PRDM5: variants seen among roughly 807,000 people sequenced by gnomAD.
PRDM5 encodes the protein PR domain zinc finger protein 5.
In PRDM5, 56 loss-of-function variants were observed where a neutral mutation model predicts 81.2. The ratio of observed to expected loss-of-function variants is 0.69; its 90% CI spans 0.56 to 0.86. The LOEUF is 0.86. Among genes scored for constraint, PRDM5 ranks in the 40% least tolerant of loss-of-function variants. The probability of loss-of-function intolerance (pLI) is 0.00; values close to 1 mark genes in which losing one functional copy is unlikely to be tolerated. For synonymous variants in PRDM5, 267 were observed against 256.4 expected (o/e 1.04, Z -0.39); for missense variants, 697 against 770.1 (o/e 0.91, Z 1.12).
chr4:120,843,997 C>T (rs1758351918), intron 3 of PRDM5, among the ~76,000 whole-genome samples: 1 of 152,094 alleles, frequency 6.6e-6, no homozygotes, highest in Non-Finnish European at 1.5e-5. Flanking sequence ...TAAGAGGATG[C>T]TTCGTGCACC....
At chr4:120,719,031 C>T (rs1461338751) in intron 14 of PRDM5, among the ~76,000 whole-genome samples, 1 of 152,180 alleles carries the variant, frequency 6.6e-6, no homozygotes, top group Non-Finnish European at 1.5e-5. Context: ...AACTATTTGC[C>T]AAACTTTCCT....
At chr4:120,922,115 G>A (rs556113635) in intron 1 of PRDM5, among the ~76,000 whole-genome samples, 2 of 152,342 alleles carry the variant, frequency 1.3e-5, no homozygotes, top group African/African-American at 2.4e-5. Context: ...CGTGCGCGCG[G>A]GGGAAAACAC....
At chr4:120,741,654 G>C (rs1299410574) in intron 14 of PRDM5, among the ~76,000 whole-genome samples, 1 of 152,082 alleles carries the variant, frequency 6.6e-6, no homozygotes, top group Non-Finnish European at 1.5e-5. Flanking sequence ...CCTAATCAAA[G>C]AAAGGGGTGA....
At chr4:120,893,948 AGCTTTGCTTTGT>A (rs1210828250) in intron 2 of PRDM5, among the ~76,000 whole-genome samples, 1 of 152,172 alleles carries the variant, frequency 6.6e-6, no homozygotes, top group Non-Finnish European at 1.5e-5. Flanking sequence ...AAGAGGCATC[AGCTTTGCTTTGT>A]TCTTTGGTCC....
chr4:120,783,202 T>C (rs1336133506), intron 11 of PRDM5, among the ~76,000 whole-genome samples: 1 of 152,152 alleles, frequency 6.6e-6, no homozygotes, highest in Non-Finnish European at 1.5e-5. Context: ...TTGTCCTCCC[T>C]ATTTTAGCCA....
At chr4:120,894,195 T>G (rs1334289061) in intron 2 of PRDM5, among the ~76,000 whole-genome samples, 2 of 152,224 alleles carry the variant, frequency 1.3e-5, no homozygotes, top group Non-Finnish European at 2.9e-5. Context: ...TAGTATCATT[T>G]TAGTTAGATA....
At chr4:120,863,891 G>T (rs1760913747) in intron 2 of PRDM5, among the ~76,000 whole-genome samples, 1 of 152,206 alleles carries the variant, frequency 6.6e-6, no homozygotes, top group Non-Finnish European at 1.5e-5. Context: ...TGGTTGGGAA[G>T]ATGCAGTTAG....
rs184437761 is a variant in PRDM5 at position 120,764,902 on chromosome 4, C to T, written c.1538-10264G>A. ...AAATATAGCAAAATAAGTTCTCTCT[C>T]AACATATGGAGGTCATCTAATTCTT... On this transcript the variant is annotated intron_variant, in intron 13 of 15. Transcript: ENST00000264808. Among the ~76,000 whole-genome samples, 3 of 152,186 alleles carry T rather than the reference C, an allele frequency of 2.0e-5. No homozygotes were observed. The East Asian group carries it at 5.8e-4, about 29-fold the overall frequency.
At chr4:120,816,430 A>G (rs755388870) in intron 7 of PRDM5, 23 bp downstream of exon 7, 1 of 1,614,168 alleles carries the variant, frequency 6.2e-7, no homozygotes, top group Non-Finnish European at 8.5e-7. Context: ...CCCTTCGGAA[A>G]CGACCCTCCA....
chr4:120,697,161 T>C (rs149388674), intron 15 of PRDM5, among the ~76,000 whole-genome samples: 58 of 152,302 alleles, frequency 3.8e-4, no homozygotes, highest in African/African-American at 1.3e-3. Context: ...ACACGCATAC[T>C]GTACTTGAGA....
chr4:120,776,245 C>T (rs1468460887), intron 13 of PRDM5, among the ~76,000 whole-genome samples: 1 of 144,890 alleles, frequency 6.9e-6, no homozygotes, highest in African/African-American at 2.4e-5. Context: ...ACTAAGCTGA[C>T]CATATGTCTT....
chr4:120,731,306 G>A (rs886900168), intron 14 of PRDM5, among the ~76,000 whole-genome samples: 5 of 151,748 alleles, frequency 3.3e-5, no homozygotes, highest in African/African-American at 9.7e-5. Flanking sequence ...CCCTCACCCG[G>A]CTATGAGATG....
chr4:120,875,215 T>A (rs992983327), intron 2 of PRDM5, among the ~76,000 whole-genome samples: 3 of 152,210 alleles, frequency 2.0e-5, no homozygotes, highest in African/African-American at 7.2e-5. Flanking sequence ...GGGCCCTGAC[T>A]CAGGCCACCC....
At chr4:120,858,570 C>T (rs1040334771) in intron 2 of PRDM5, among the ~76,000 whole-genome samples, 4 of 149,658 alleles carry the variant, frequency 2.7e-5, no homozygotes, top group East Asian at 2.0e-4. Context: ...CTTATGAACG[C>T]GTGCGTGCGC....
At chr4:120,734,030 A>G (rs1486882307) in intron 14 of PRDM5, among the ~76,000 whole-genome samples, 4 of 152,176 alleles carry the variant, frequency 2.6e-5, no homozygotes, top group Admixed American at 2.6e-4. Flanking sequence ...TGTAGCCTCA[A>G]AAAGTATTGA....
At chr4:120,740,627 T>G (rs1421218383) in intron 14 of PRDM5, among the ~76,000 whole-genome samples, 2 of 152,208 alleles carry the variant, frequency 1.3e-5, no homozygotes, top group Admixed American at 6.5e-5. Flanking sequence ...ATCTCAAAGG[T>G]GTCCCTCATA....
chr4:120,712,799 T>C (rs1022449565), intron 14 of PRDM5, among the ~76,000 whole-genome samples: 11 of 152,240 alleles, frequency 7.2e-5, no homozygotes, highest in South Asian at 6.2e-4. Context: ...TAATTTTCAA[T>C]GTTGGGCATA....
At chr4:120,765,588 G>T (rs1448415051) in intron 13 of PRDM5, among the ~76,000 whole-genome samples, 1 of 152,132 alleles carries the variant, frequency 6.6e-6, no homozygotes, top group East Asian at 1.9e-4. Context: ...AAATTACAGA[G>T]CTGCCCGCCA....
At chr4:120,745,186 G>C (rs1306362000) in intron 14 of PRDM5, among the ~76,000 whole-genome samples, 3 of 109,602 alleles carry the variant, frequency 2.7e-5, no homozygotes, top group African/African-American at 7.6e-5. Context: ...AAAACCACAT[G>C]ATTATCTCAA....
Sources: allele counts gnomAD v4.1 joint callset (sites outside exome capture counted in the v4.1 genomes callset), GRCh38; gene constraint gnomAD v4.1.1; transcripts MANE v1.5; gene names NCBI Gene and HGNC (gene_info 2026-07-23, HGNC 2026-07-21).